DCBLD2: variants seen among roughly 807,000 people sequenced by gnomAD.
DCBLD2 encodes the protein discoidin, CUB and LCCL domain containing 2.
DCBLD2 carries 54 observed loss-of-function variants against 86.8 expected under a neutral mutation model. The observed-to-expected ratio is 0.62, with a 90% CI of 0.50 to 0.78. The LOEUF (loss-of-function observed/expected upper bound fraction) is 0.78, where lower values mean the gene tolerates loss of function less well. DCBLD2 is among the 30% of genes least tolerant of loss of function. The pLI is 0.00. For missense variants in DCBLD2, 908 were observed against 954.2 expected, an observed-to-expected ratio of 0.95 and a Z score of 0.64; for synonymous variants, 354 against 341.3, an observed-to-expected ratio of 1.04 and a Z score of -0.41.
At chr3:98,874,290 A>G (rs111917703) in intron 2 of DCBLD2, among the ~76,000 whole-genome samples, 2,961 of 152,346 alleles carry the variant, frequency 0.019, 40 homozygotes, top group Non-Finnish European at 0.032. Flanking sequence ...AAAGTAAATT[A>G]CAAATTAATA....
At chr3:98,800,025 T>C (rs775384639) in intron 15 of DCBLD2, among the ~76,000 whole-genome samples, 184 bp from the exon 16 acceptor site, 1 of 152,226 alleles carries the variant, frequency 6.6e-6, no homozygotes, top group African/African-American at 2.4e-5. Context: ...CTTCTCATAG[T>C]AATAATATAC....
chr3:98,900,893 C>G, intron 1 of DCBLD2: 1 of 699,236 alleles, frequency 1.4e-6, no homozygotes, highest in Non-Finnish European at 2.3e-6. Context: ...TCACGTCCCC[C>G]TTTCAGAAAA....
chr3:98,901,248 A>T lies in DCBLD2; in HGVS notation c.79T>A (p.Trp27Arg), dbSNP rs202241867. 1.3e-3 allele frequency: 2,061 copies of T among 1,533,678 alleles called. 16 individuals carry two copies. Among genetic ancestry groups the T allele is most frequent in the Middle Eastern group, 0.011 (49 of 4,582 alleles). ...QVRAAAAAPA[W>R]AALPLSRSLP... ...GAGCGGGAGAGGGGGAGCGCGGCCC[A>T]GGCGGGGGCGGCGGCCGCGGCCCGG... The change falls in exon 1 of 16, where the codon TGG becomes AGG. Residue 27 changes from tryptophan (W) to arginine (R), a missense_variant. Transcript: ENST00000326840.
chr3:98,839,487 A>G (rs938723825), intron 3 of DCBLD2, among the ~76,000 whole-genome samples: 3 of 152,186 alleles, frequency 2.0e-5, no homozygotes, highest in African/African-American at 7.2e-5. Context: ...TGTGAATTAT[A>G]ACTTAATAAG....
chr3:98,850,743 CAAAT>C (rs1034881522), intron 2 of DCBLD2, among the ~76,000 whole-genome samples: 2 of 151,820 alleles, frequency 1.3e-5, no homozygotes, highest in East Asian at 1.9e-4. Flanking sequence ...AAGGAATTGA[CAAAT>C]AAAACAAAAC....
chr3:98,888,546 G>GACATACCAT (rs1315134823), intron 1 of DCBLD2, among the ~76,000 whole-genome samples: 10 of 151,926 alleles, frequency 6.6e-5, no homozygotes, highest in African/African-American at 1.9e-4. Context: ...AGATTTAAAC[G>GACATACCAT]ACATACCATA....
chr3:98,829,134 T>C (rs562909735), intron 3 of DCBLD2, among the ~76,000 whole-genome samples: 17 of 152,226 alleles, frequency 1.1e-4, no homozygotes, highest in African/African-American at 3.9e-4. Flanking sequence ...AATCAATGAA[T>C]TGTATATACA....
intron 1 of DCBLD2, among the ~76,000 whole-genome samples, chr3:98,884,299 A>C (rs1188708614): frequency 6.6e-6 from 1 of 152,030 alleles, no homozygotes; most frequent in Non-Finnish European, 1.5e-5. Context: ...ATAGCAACTC[A>C]GTAACACAAA....
At chr3:98,876,266 C>T (rs992951380) in intron 2 of DCBLD2, among the ~76,000 whole-genome samples, 7 of 151,370 alleles carry the variant, frequency 4.6e-5, no homozygotes, top group African/African-American at 1.2e-4. Context: ...GTGTGCCTGT[C>T]GTCCCAGCTA....
At chr3:98,864,165 C>A (rs1383529646) in intron 2 of DCBLD2, among the ~76,000 whole-genome samples, 1 of 152,196 alleles carries the variant, frequency 6.6e-6, no homozygotes, top group Non-Finnish European at 1.5e-5. Context: ...TACCACCTCA[C>A]ACCAGTTAGA....
At chr3:98,838,679 G>C (rs1459389766) in intron 3 of DCBLD2, among the ~76,000 whole-genome samples, 2 of 152,128 alleles carry the variant, frequency 1.3e-5, no homozygotes, top group East Asian at 1.9e-4. Flanking sequence ...TCGGCACTTT[G>C]GGAGGCCAAG....
chr3:98,811,142 T>G, intron 12 of DCBLD2, 52 bp downstream of exon 12: 2 of 1,477,692 alleles, frequency 1.4e-6, no homozygotes, highest in Middle Eastern at 3.6e-4. Flanking sequence ...AAAACTTCAG[T>G]TAAGAACAAA....
intron 2 of DCBLD2, among the ~76,000 whole-genome samples, chr3:98,867,461 A>T (rs1160043706): frequency 6.6e-6 from 1 of 152,194 alleles, no homozygotes; most frequent in Non-Finnish European, 1.5e-5. Context: ...TAAAATATGT[A>T]CAATTTTCAT....
chr3:98,885,078 T>C (rs1189801619), intron 1 of DCBLD2, among the ~76,000 whole-genome samples: 1 of 152,140 alleles, frequency 6.6e-6, no homozygotes, highest in Admixed American at 6.5e-5. Flanking sequence ...GACTTTTGCA[T>C]GCATGCTGAT....
chr3:98,836,996 C>A (rs1360196706), intron 3 of DCBLD2, among the ~76,000 whole-genome samples: 1 of 67,316 alleles, frequency 1.5e-5, no homozygotes, highest in Non-Finnish European at 3.0e-5. Context: ...TAGGGGCGGC[C>A]GGGCAGAGGC....
At position 98,853,596 on chromosome 3, in the gene DCBLD2, AC is replaced by A. The variant is rs528978641; in HGVS notation, c.434-3999del. ...TACAGAGTATAGAGACCTTATGGTC[AC>A]CATGCCTCTTCTGATGTCCACATCA... On this transcript the variant is annotated intron_variant, in intron 2 of 15. Coordinates refer to ENST00000326840, the MANE Select transcript of DCBLD2 (RefSeq NM_080927.4). Among the ~76,000 whole-genome samples the A allele has an allele frequency of 1.6e-3, 241 of 152,354 alleles. 1 individual carries two copies. The highest frequency in any genetic ancestry group is 4.7e-3 in the African/African-American group (194 of 41,588).
intron 2 of DCBLD2, among the ~76,000 whole-genome samples, chr3:98,858,337 G>A (rs962320680): frequency 5.3e-5 from 8 of 152,236 alleles, no homozygotes; most frequent in Non-Finnish European, 7.3e-5. Flanking sequence ...TGAGGGAGCC[G>A]GCTCCGGCCT....
chr3:98,854,989 AT>A (rs1942905991), intron 2 of DCBLD2, among the ~76,000 whole-genome samples: 1 of 152,200 alleles, frequency 6.6e-6, no homozygotes, highest in African/African-American at 2.4e-5. Context: ...CCATAAAATA[AT>A]TAGTAAACGC....
At chr3:98,820,155 G>A (rs1204767510) in intron 7 of DCBLD2, 93 bp downstream of exon 7, 3 of 748,608 alleles carry the variant, frequency 4.0e-6, no homozygotes, top group Admixed American at 4.2e-5. Context: ...AACTACGTGA[G>A]AAAGTACAAT....
Sources: gnomAD v4.1 joint callset for allele counts (sites outside exome capture counted in the v4.1 genomes callset) on GRCh38, gnomAD v4.1.1 for gene constraint, MANE v1.5 for transcripts, NCBI Gene and HGNC (gene_info 2026-07-23, HGNC 2026-07-21) for gene names.